Variants in HS6ST2 observed in about 807,000 individuals in gnomAD.
HS6ST2 encodes heparan sulfate 6-O-sulfotransferase 2, also known as heparan-sulfate 6-O-sulfotransferase 2.
HS6ST2 carries 17 observed loss-of-function variants against 33.0 expected under a neutral mutation model. That is an observed-to-expected ratio of 0.52 (90% CI 0.35 to 0.77). The LOEUF (loss-of-function observed/expected upper bound fraction) is 0.77. HS6ST2 is among the 30% of genes least tolerant of loss of function. HS6ST2 has a pLI of 0.01. For missense variants in HS6ST2, 519 were observed against 551.7 expected (o/e 0.94, Z 0.59); for synonymous variants, 248 against 237.1 (o/e 1.05, Z -0.42).
Position 132,957,188 on chromosome X carries a change from C to G in HS6ST2, c.567G>C (p.Pro189=), listed in dbSNP as rs1437430783. ...QLLRLQAFSS[P]VPDPYRSEDE... ...CCTCCGAGCGGTACGGGTCCGGCAC[C>G]GGGGAGCTGAACGCCTGCAGGCGGA... The change falls in exon 2 of 5, where the codon CCG becomes CCC. Residue 189 remains proline (P), a synonymous_variant. Coordinates refer to ENST00000370833, the MANE Select transcript of HS6ST2 (RefSeq NM_001394073.1). 2 of 1,211,379 alleles carry G rather than the reference C, an allele frequency of 1.7e-6. No individual in the cohort carries two copies. The highest frequency in any genetic ancestry group is 2.2e-5 in the Admixed American group (1 of 46,081).
In HS6ST2 at chrX:132,627,144, G is replaced by C. The variant is rs1008587083; in HGVS notation, c.*1079C>G. On this transcript the variant is annotated 3_prime_UTR_variant, in exon 5 of 5. Coordinates refer to ENST00000370833, the MANE Select transcript of HS6ST2 (RefSeq NM_001394073.1). Reference sequence around the variant, plus strand: ...TACAATAGAGATGTACAAAAAGTAAGTAAGAGTTCACATTTTAGGTTAAAT... The same window carrying C: ...TACAATAGAGATGTACAAAAAGTAACTAAGAGTTCACATTTTAGGTTAAAT... 2 of 112,582 alleles carry C rather than the reference G, an allele frequency of 1.8e-5. No individual in the cohort carries two copies. Among genetic ancestry groups the C allele is most frequent in the South Asian group, 3.7e-4 (1 of 2,710 alleles). 9.3% of individuals were successfully genotyped at this position (112,582 alleles called of 1,213,427 possible).
chrX:132,702,228 A>G (rs1028021025), intron 3 of HS6ST2, among the ~76,000 whole-genome samples: 1 of 112,743 alleles, frequency 8.9e-6, no homozygotes, highest in Admixed American at 9.4e-5. Flanking sequence ...TTAACTTTGA[A>G]CACTAATTTT....
chrX:132,763,495 A>C (rs751025356), intron 2 of HS6ST2, among the ~76,000 whole-genome samples: 2 of 111,919 alleles, frequency 1.8e-5, no homozygotes, highest in African/African-American at 6.5e-5. Flanking sequence ...GACAGTGCAG[A>C]CTCGAGATGT....
At chrX:132,753,799 A>G (rs750979443) in intron 2 of HS6ST2, among the ~76,000 whole-genome samples, 1 of 112,011 alleles carries the variant, frequency 8.9e-6, no homozygotes, top group African/African-American at 3.2e-5. Flanking sequence ...CCTTGTGTGT[A>G]AAATTTAAGG....
At chrX:132,809,948 G>C (rs2065323729) in intron 2 of HS6ST2, among the ~76,000 whole-genome samples, 1 of 112,055 alleles carries the variant, frequency 8.9e-6, no homozygotes, top group Non-Finnish European at 1.9e-5. Context: ...CTGCCTCTAA[G>C]AGACCAAGAG....
chrX:132,907,283 T>C (rs1453209627), intron 2 of HS6ST2: 3 of 113,135 alleles, frequency 2.7e-5, no homozygotes, highest in Admixed American at 9.4e-5. Flanking sequence ...CTTGTGCCTT[T>C]CTGAAATTTC....
intron 2 of HS6ST2, among the ~76,000 whole-genome samples, chrX:132,949,549 A>G (rs1226004130): frequency 9.1e-6 from 1 of 110,253 alleles, no homozygotes; most frequent in African/African-American, 3.3e-5. Flanking sequence ...GTGAGGGTTT[A>G]TTAGGGCTGA....
At chrX:132,848,010 A>C (rs969936564) in intron 2 of HS6ST2, among the ~76,000 whole-genome samples, 1 of 112,443 alleles carries the variant, frequency 8.9e-6, no homozygotes, top group African/African-American at 3.2e-5. Context: ...ACTTGGTTGT[A>C]GAAACAGCTG....
intron 3 of HS6ST2, among the ~76,000 whole-genome samples, chrX:132,701,295 T>C (rs955282302): frequency 2.7e-5 from 3 of 112,168 alleles, no homozygotes; most frequent in African/African-American, 6.5e-5. Context: ...CCCCACTCCT[T>C]TTCTATGTCA....
intron 2 of HS6ST2, among the ~76,000 whole-genome samples, chrX:132,914,134 G>A (rs1457245399): frequency 8.9e-6 from 1 of 112,197 alleles, no homozygotes; most frequent in Non-Finnish European, 1.9e-5. Context: ...GTGATTTTTT[G>A]TGCTTCAATA....
chrX:132,867,528 C>T (rs992566034), intron 2 of HS6ST2, among the ~76,000 whole-genome samples: 3 of 111,638 alleles, frequency 2.7e-5, no homozygotes, highest in Non-Finnish European at 3.8e-5. Context: ...TCTTTTTCTA[C>T]TGATTGGAAT....
At chrX:132,875,466 C>G (rs1433587746) in intron 2 of HS6ST2, among the ~76,000 whole-genome samples, 1 of 109,204 alleles carries the variant, frequency 9.2e-6, no homozygotes, top group Non-Finnish European at 1.9e-5. Context: ...CAAAGGCTAG[C>G]GGGCCTTTGT....
intron 3 of HS6ST2, among the ~76,000 whole-genome samples, chrX:132,681,326 T>G (rs893004637): frequency 8.9e-6 from 1 of 112,358 alleles, no homozygotes. Flanking sequence ...GTCATAACTG[T>G]TTTAAAGTTT....
chrX:132,761,173 A>G (rs2064802019), intron 2 of HS6ST2, among the ~76,000 whole-genome samples: 1 of 112,066 alleles, frequency 8.9e-6, no homozygotes, highest in African/African-American at 3.2e-5. Context: ...TCAGAAAGGT[A>G]CAGAAAATGA....
At chrX:132,775,821 C>T (rs2064952094) in intron 2 of HS6ST2, among the ~76,000 whole-genome samples, 1 of 111,772 alleles carries the variant, frequency 8.9e-6, no homozygotes, top group Admixed American at 9.5e-5. Context: ...CGCTACTAAA[C>T]CAAGTGAATT....
intron 2 of HS6ST2, among the ~76,000 whole-genome samples, chrX:132,852,208 T>C (rs765946465): frequency 7.2e-5 from 8 of 111,689 alleles, no homozygotes; most frequent in South Asian, 7.7e-4. Flanking sequence ...GATGCACTCC[T>C]GGAAATTTTC....
rs1226126578 is a variant in HS6ST2, at chrX:132,823,855, AT to A, written c.948-115362del. On this transcript the variant is annotated intron_variant, in intron 2 of 4. Transcript: ENST00000370833. Reference sequence around the variant, plus strand: ...GGGCAAGAGTGAGACTTCATAAAAAATAATAATAATAATAATAATAATAATA... The same window carrying A: ...GGGCAAGAGTGAGACTTCATAAAAAAAATAATAATAATAATAATAATAATA... 2.1e-3 allele frequency among the ~76,000 whole-genome samples: 209 copies of A among 100,784 alleles called. 1 individual carries two copies. Among genetic ancestry groups the A allele is most frequent in the African/African-American group, 7.5e-3 (205 of 27,257 alleles). 87.5% of individuals were successfully genotyped at this position (100,784 alleles called of 115,157 possible).
chrX:132,954,938 C>T (rs2067052614), intron 2 of HS6ST2, among the ~76,000 whole-genome samples: 1 of 111,823 alleles, frequency 8.9e-6, no homozygotes, highest in Admixed American at 9.5e-5. Context: ...ATCTAGACCA[C>T]ATTAATAATG....
intron 2 of HS6ST2, among the ~76,000 whole-genome samples, chrX:132,715,040 T>C (rs1253028067): frequency 8.9e-6 from 1 of 112,082 alleles, no homozygotes. Flanking sequence ...GCAAATCATT[T>C]CGGTACCATC....
Sources: gnomAD v4.1 joint callset for allele counts (sites outside exome capture counted in the v4.1 genomes callset) on GRCh38, gnomAD v4.1.1 for gene constraint, MANE v1.5 for transcripts, NCBI Gene and HGNC (gene_info 2026-07-23, HGNC 2026-07-21) for gene names.